Variants in ENG observed in about 807,000 individuals in gnomAD.
The protein encoded by ENG is CD105 antigen.
ENG carries 17 observed loss-of-function variants against 71.0 expected under a neutral mutation model. That is an observed-to-expected ratio of 0.24 (90% CI 0.16 to 0.36). The LOEUF is 0.36. Among genes scored for constraint, ENG ranks in the 10% least tolerant of loss-of-function variants. The probability of loss-of-function intolerance (pLI) is 1.00; values close to 1 mark genes in which losing one functional copy is unlikely to be tolerated. For synonymous variants in ENG, 360 were observed against 366.9 expected, an observed-to-expected ratio of 0.98 and a Z score of 0.21; for missense variants, 749 against 868.3, an observed-to-expected ratio of 0.86 and a Z score of 1.73.
intron 12 of ENG, chr9:127,817,878 A>G (rs955426803): frequency 5.0e-6 from 3 of 604,014 alleles, no homozygotes; most frequent in African/African-American, 3.7e-5. Context: ...GGATGGATGG[A>G]TGGATAGATG....
chr9:127,822,957 C>A (rs763709463), intron 8 of ENG, among the ~76,000 whole-genome samples: 13 of 152,118 alleles, frequency 8.5e-5, no homozygotes, highest in Non-Finnish European at 1.5e-4. Context: ...TCTCCTGCCT[C>A]AGCCTCCTGA....
chr9:127,840,454 G>A (rs1013991251), intron 2 of ENG, among the ~76,000 whole-genome samples: 1 of 152,140 alleles, frequency 6.6e-6, no homozygotes, highest in African/African-American at 2.4e-5. Context: ...AAATTAGCTG[G>A]GCATGGTGGC....
intron 2 of ENG, chr9:127,841,200 C>CA (rs2131914671): frequency 6.6e-6 from 1 of 152,450 alleles, no homozygotes; most frequent in African/African-American, 2.4e-5. Context: ...CGGATGTGTT[C>CA]AGGATGGTGT....
At chr9:127,821,520 G>T (rs961154972) in intron 8 of ENG, 2 of 151,778 alleles carry the variant, frequency 1.3e-5, no homozygotes, top group Non-Finnish European at 2.9e-5. Flanking sequence ...ACCTGAGGTC[G>T]GAAGTTCGAG....
rs1300315151 is a variant in ENG, at chr9:127,851,760, C to T, written c.67+2529G>A. Among the ~76,000 whole-genome samples the T allele has an allele frequency of 3.3e-5, 5 of 151,982 alleles. No homozygotes were observed. The South Asian group carries it at 6.2e-4, about 19-fold the overall frequency. On this transcript the variant is annotated intron_variant, in intron 1 of 14. Coordinates refer to ENST00000373203, the MANE Select transcript of ENG (RefSeq NM_001114753.3). ...CGGGTGTGGGGCCGGCGCCTGTAGT[C>T]CCAGCTACTCGAGAGGATGAGGCAG...
Position 127,854,293 on chromosome 9 carries a change from G to T in ENG, c.63C>A (p.Pro21=). The T allele has an allele frequency of 6.3e-7, 1 of 1,588,156 alleles. No homozygotes were observed. Among genetic ancestry groups the T allele is most frequent in the East Asian group, 2.3e-5 (1 of 43,220 alleles). The part of the protein sequence containing the change: ...ALLLASCSLS[P]TSLAETVHCD... ...CCTGGGTCCCTGGACACCTACTTGT[G>T]GGGCTGAGGCTGCAGCTGGCCAGCA... Residue 21 remains proline, a synonymous_variant, in exon 1 of 15, where the codon CCC becomes CCA. Coordinates refer to ENST00000373203, the MANE Select transcript of ENG (RefSeq NM_001114753.3).
chr9:127,819,414 T>C, intron 10 of ENG: 2 of 632,906 alleles, frequency 3.2e-6, no homozygotes, highest in South Asian at 1.9e-5. Flanking sequence ...ACACAGCCAG[T>C]ATGTGCTAAG....
chr9:127,831,684 CT>C lies in ENG; in HGVS notation c.220-1858del, dbSNP rs1337832342. 4.2e-3 allele frequency among the ~76,000 whole-genome samples: 558 copies of C among 133,764 alleles called. 1 individual carries two copies. Among genetic ancestry groups the C allele is most frequent in the South Asian group, 5.5e-3 (23 of 4,180 alleles). The allele number at this position is 133,764 out of a possible 152,430, so 87.8% of individuals were successfully genotyped here. A position where few individuals can be genotyped will look rare whatever the true frequency, so the allele number is the denominator to read the frequency against. On this transcript the variant is annotated intron_variant, in intron 2 of 14. Transcript: ENST00000373203. The stretch of plus-strand genomic sequence containing the variant: ...ACAGGTGTGAACCACCCTGCCTGGC[CT>C]TTTTTTTTTTTTTTTCTTTCTTTTG...
chr9:127,841,557 A>G (rs1207844983), intron 2 of ENG, among the ~76,000 whole-genome samples: 1 of 152,168 alleles, frequency 6.6e-6, no homozygotes, highest in African/African-American at 2.4e-5. Flanking sequence ...TATGATTTGG[A>G]AATTATCAAA....
At chr9:127,851,736 G>A (rs1412075458) in intron 1 of ENG, among the ~76,000 whole-genome samples, 1 of 151,994 alleles carries the variant, frequency 6.6e-6, no homozygotes, top group African/African-American at 2.4e-5. Context: ...AAAATTAGGC[G>A]GGTGTGGGGC....
In ENG at chr9:127,824,947, A is replaced by G; in HGVS notation, c.844T>C (p.Phe282Leu). The G allele has an allele frequency of 1.2e-6, 2 of 1,613,882 alleles. No homozygotes were observed. The highest frequency in any genetic ancestry group is 1.7e-6 in the Non-Finnish European group (2 of 1,179,982). ...WTTGEYSFKI[F>L]PEKNIRGFKL... ...AAGCCACGAATGTTTTTCTCTGGAA[A>G]GATCTTGAAGGAGTATTCTCCAGTG... Residue 282 changes from phenylalanine (F) to leucine (L), a missense_variant, in exon 7 of 15, where the codon TTT (phenylalanine) becomes CTT (leucine). Physicochemically the swap from Phe to Leu is conservative, Grantham distance 22. Transcript: ENST00000373203.
intron 2 of ENG, among the ~76,000 whole-genome samples, chr9:127,833,676 T>C (rs1473335149): frequency 2.6e-5 from 4 of 152,308 alleles, no homozygotes; most frequent in African/African-American, 9.6e-5. Context: ...AAAAGCTCTT[T>C]TCAAAGTTAT....
intron 8 of ENG, among the ~76,000 whole-genome samples, chr9:127,823,364 A>G (rs887210532): frequency 2.7e-5 from 4 of 148,856 alleles, no homozygotes; most frequent in African/African-American, 7.4e-5. Flanking sequence ...TTGTTTGTCA[A>G]CCAGGCAGTG....
At chr9:127,834,179 T>A (rs1317006246) in intron 2 of ENG, among the ~76,000 whole-genome samples, 1 of 152,202 alleles carries the variant, frequency 6.6e-6, no homozygotes, top group African/African-American at 2.4e-5. Context: ...TTCAAGCAAT[T>A]GTCCTGCCTC....
chr9:127,825,744 C>T lies in ENG; in HGVS notation c.640G>A (p.Gly214Ser), dbSNP rs150932144. 122 of 1,599,880 alleles carry T rather than the reference C, an allele frequency of 7.6e-5. No homozygotes were observed. In the African/African-American group the frequency reaches 1.1e-3, roughly 14 times the overall value. The stretch of plus-strand genomic sequence containing the variant: ...CTCAGGATGTGCGCCTCCTTGTGGC[C>T]GGCCACGCCTTCCAAGTGGCAGCCC... The part of the protein sequence containing the change: ...VRGCHLEGVA[G>S]HKEAHILRVL... Residue 214 changes from glycine to serine, a missense_variant, in exon 5 of 15, where the codon GGC (glycine) becomes AGC (serine). Gly to Ser is a moderately conservative substitution (Grantham distance 56). Coordinates refer to ENST00000373203, the MANE Select transcript of ENG (RefSeq NM_001114753.3).
chr9:127,853,674 C>T (rs187403018), intron 1 of ENG, among the ~76,000 whole-genome samples: 251 of 152,276 alleles, frequency 1.6e-3, no homozygotes, highest in African/African-American at 5.7e-3. Context: ...GCCCAAAGGC[C>T]CTGGGGAAGG....
intron 11 of ENG, 54 bp downstream of exon 11, chr9:127,818,662 G>A: frequency 6.4e-7 from 1 of 1,574,648 alleles, no homozygotes; most frequent in South Asian, 1.1e-5. Flanking sequence ...AAGAAAGGCG[G>A]AGAGGAAGTT....
intron 1 of ENG, among the ~76,000 whole-genome samples, chr9:127,843,722 C>T (rs1172290552): frequency 9.6e-6 from 1 of 104,124 alleles, no homozygotes; most frequent in Non-Finnish European, 1.8e-5. Flanking sequence ...TATATACACC[C>T]ACACATCCAC....
chr9:127,830,427 G>A (rs1459855269), intron 2 of ENG, among the ~76,000 whole-genome samples: 2 of 151,384 alleles, frequency 1.3e-5, no homozygotes, highest in African/African-American at 2.4e-5. Context: ...TGGATCACCT[G>A]AGGTCAGGAG....
Sources: gnomAD v4.1 joint callset for allele counts (sites outside exome capture counted in the v4.1 genomes callset) on GRCh38, gnomAD v4.1.1 for gene constraint, MANE v1.5 for transcripts, NCBI Gene and HGNC (gene_info 2026-07-23, HGNC 2026-07-21) for gene names.